The following SNX29 variants were observed in gnomAD, a reference collection of about 807,000 sequenced individuals.
The protein encoded by SNX29 is sorting nexin-29.
SNX29 carries 78 observed loss-of-function variants against 102.1 expected under a neutral mutation model. That is an observed-to-expected ratio of 0.76 (90% CI 0.64 to 0.92). The LOEUF (loss-of-function observed/expected upper bound fraction) is 0.92. Ranked by LOEUF, SNX29 falls within the 40% of genes least tolerant of loss-of-function variation. The pLI, the probability that SNX29 is intolerant of heterozygous loss-of-function variation, is 0.00. For synonymous variants in SNX29, 580 were observed against 414.5 expected (o/e 1.40, Z -4.85); for missense variants, 1,280 against 1,061.7 (o/e 1.21, Z -2.86).
intron 13 of SNX29, among the ~76,000 whole-genome samples, chr16:12,165,488 C>T (rs1224654166): frequency 6.6e-6 from 1 of 152,224 alleles, no homozygotes; most frequent in African/African-American, 2.4e-5. Flanking sequence ...TCTGTATCAG[C>T]TAAACATTTT....
At chr16:12,066,054 C>T (rs956811218) in intron 9 of SNX29, among the ~76,000 whole-genome samples, 1 of 152,156 alleles carries the variant, frequency 6.6e-6, no homozygotes, top group African/African-American at 2.4e-5. Flanking sequence ...TGAAGGGGCC[C>T]GTGGGCAATC....
intron 18 of SNX29, among the ~76,000 whole-genome samples, chr16:12,446,865 T>C (rs1019504006): frequency 1.3e-5 from 2 of 151,926 alleles, no homozygotes; most frequent in Non-Finnish European, 2.9e-5. Flanking sequence ...AAGGGCAGGA[T>C]TGACATATGT....
chr16:12,088,187 TAG>T lies in SNX29; in HGVS notation c.1402+9280_1402+9281del, dbSNP rs761846216. 1.1e-5 allele frequency: 5 copies of T among 450,930 alleles called. 1 individual carries two copies. The highest frequency in any genetic ancestry group is 6.3e-5 in the South Asian group (4 of 63,514). The allele number at this position is 450,930 out of a possible 1,614,324, so 27.9% of individuals were successfully genotyped here. ...TCACTGTTTGGGCCAGGCAGAAAGC[TAG>T]AGAGAGACAGGAGAGGCAGGAACAG... On this transcript the variant is annotated intron_variant, in intron 11 of 20. Coordinates refer to ENST00000566228, the MANE Select transcript of SNX29 (RefSeq NM_032167.5).
rs1158708376 is a variant in SNX29, at chr16:12,115,519, GT to G, written c.1403-11113del. ...TGTGTGTGTGTGTGTGTGTGTGTGT[GT>G]GTGGTGCTGGGTACTAAGTGGAATC... On this transcript the variant is annotated intron_variant, in intron 11 of 20. Coordinates refer to ENST00000566228, the MANE Select transcript of SNX29 (RefSeq NM_032167.5). Among the ~76,000 whole-genome samples the G allele has an allele frequency of 9.2e-4, 140 of 151,830 alleles. 1 individual carries two copies. Among genetic ancestry groups the G allele is most frequent in the African/African-American group, 3.3e-3 (137 of 41,352 alleles).
chr16:11,999,211 A>C, intron 1 of SNX29, 86 bp from the exon 2 acceptor site: 2 of 1,223,180 alleles, frequency 1.6e-6, no homozygotes, highest in Non-Finnish European at 2.4e-6. Context: ...TGATTTTGTT[A>C]AAGATCAGTA....
rs1245899827 is a variant in SNX29, at chr16:12,570,370, T to C, written c.*1741T>C. 2.2e-5 allele frequency: 10 copies of C among 455,350 alleles called. No homozygotes were observed. The highest frequency in any genetic ancestry group is 4.1e-5 in the African/African-American group (2 of 49,274). The allele number at this position is 455,350 out of a possible 1,614,324, so 28.2% of individuals were successfully genotyped here. A position where few individuals can be genotyped will look rare whatever the true frequency, so the allele number is the denominator to read the frequency against. ...CCTGCCAACATTGCTGCAATACACA[T>C]GGTTTATCTGAAATTCCAAGGCCAG... On this transcript the variant is annotated 3_prime_UTR_variant, in exon 21 of 21. Coordinates refer to ENST00000566228, the MANE Select transcript of SNX29 (RefSeq NM_032167.5).
chr16:12,187,365 G>T (rs1016324840), intron 13 of SNX29, among the ~76,000 whole-genome samples: 3 of 152,108 alleles, frequency 2.0e-5, no homozygotes, highest in African/African-American at 7.2e-5. Flanking sequence ...TTTCAGTCTG[G>T]CCAGCGGGGC....
intron 4 of SNX29, among the ~76,000 whole-genome samples, chr16:12,039,535 T>C (rs7500746): frequency 0.38 from 57,793 of 150,658 alleles, 11,592 homozygotes; most frequent in Middle Eastern, 0.45. Context: ...TTAGAGTGAA[T>C]TTAACTAGCC....
chr16:12,052,822 G>T (rs2050362159), intron 8 of SNX29: 1 of 155,318 alleles, frequency 6.4e-6, no homozygotes, highest in South Asian at 2.0e-4. Flanking sequence ...AGTCTGATGA[G>T]ACTGTGCCTG....
intron 15 of SNX29, among the ~76,000 whole-genome samples, chr16:12,338,693 AG>A (rs1349977319): frequency 1.3e-5 from 2 of 152,220 alleles, no homozygotes; most frequent in Non-Finnish European, 2.9e-5. Flanking sequence ...TAGCTTGATA[AG>A]GGACATCATC....
intron 10 of SNX29, among the ~76,000 whole-genome samples, chr16:12,071,622 C>G (rs1312831462): frequency 2.6e-5 from 4 of 152,136 alleles, no homozygotes; most frequent in African/African-American, 9.7e-5. Flanking sequence ...CAGCTTTGTT[C>G]TTTTTGGCTT....
rs755621217 is a variant in SNX29, at chr16:12,524,734, G to C, written c.2211G>C (p.Gln737His). 2 of 1,613,584 alleles carry C rather than the reference G, an allele frequency of 1.2e-6. No homozygotes were observed. The highest frequency in any genetic ancestry group is 1.1e-5 in the South Asian group (1 of 91,050). Residue 737 changes from glutamine to histidine, a missense_variant, in exon 20 of 21, where the codon CAG becomes CAC. Gln to His is a conservative substitution (Grantham distance 24). Coordinates refer to ENST00000566228, the MANE Select transcript of SNX29 (RefSeq NM_032167.5). ...AGTTTGTGGAGGAACGGAGAAAGCA[G>C]CTCCAGAATTACCTGCGCAGCGTCA... ...DAKFVEERRK[Q>H]LQNYLRSVMN...
intron 9 of SNX29, among the ~76,000 whole-genome samples, chr16:12,063,675 G>A (rs949172313): frequency 1.3e-5 from 2 of 151,952 alleles, no homozygotes; most frequent in Non-Finnish European, 2.9e-5. Flanking sequence ...CACCGTGCCC[G>A]GCCTTTTCTA....
intron 14 of SNX29, among the ~76,000 whole-genome samples, chr16:12,255,541 C>T (rs952855746): frequency 2.0e-5 from 3 of 152,146 alleles, no homozygotes; most frequent in Admixed American, 2.0e-4. Context: ...CCCCATCTCT[C>T]CCCTGCCCCG....
At chr16:12,221,847 C>G (rs759829247) in intron 14 of SNX29, among the ~76,000 whole-genome samples, 5 of 152,122 alleles carry the variant, frequency 3.3e-5, no homozygotes, top group African/African-American at 4.8e-5. Context: ...CCCGCATGAT[C>G]CCGTGCTTCC....
At chr16:12,321,408 C>T (rs779838481) in intron 15 of SNX29, among the ~76,000 whole-genome samples, 2 of 152,218 alleles carry the variant, frequency 1.3e-5, no homozygotes, top group Non-Finnish European at 2.9e-5. Flanking sequence ...CCCACACTTC[C>T]ACCTCTGGAA....
rs55689729 is a variant in SNX29 at position 12,085,628 on chromosome 16, C to A, written c.1402+6713C>A. 1.4e-3 allele frequency among the ~76,000 whole-genome samples: 219 copies of A among 152,180 alleles called. 1 individual carries two copies. Among genetic ancestry groups the A allele is most frequent in the Non-Finnish European group, 2.6e-3 (180 of 67,982 alleles). On this transcript the variant is annotated intron_variant, in intron 11 of 20. Coordinates refer to ENST00000566228, the MANE Select transcript of SNX29 (RefSeq NM_032167.5). ...AGGCGTGAGCCACCGTGCCCAGCCC[C>A]CACCCTACTTCTCTAATAAAATGTG...
intron 15 of SNX29, among the ~76,000 whole-genome samples, chr16:12,314,513 A>G (rs958620420): frequency 2.0e-5 from 3 of 152,240 alleles, no homozygotes; most frequent in Admixed American, 6.5e-5. Flanking sequence ...CATCTGTAAC[A>G]TGAAGGTCTT....
intron 11 of SNX29, chr16:12,095,382 T>C (rs2052724094): frequency 6.6e-6 from 1 of 152,184 alleles, no homozygotes; most frequent in African/African-American, 2.4e-5. Flanking sequence ...GCCCTAGTCT[T>C]TTCTCTGCCG....
Sources: allele counts gnomAD v4.1 joint callset (sites outside exome capture counted in the v4.1 genomes callset), GRCh38; gene constraint gnomAD v4.1.1; transcripts MANE v1.5; gene names NCBI Gene and HGNC (gene_info 2026-07-23, HGNC 2026-07-21).